The following FHIT variants were observed in gnomAD, a reference collection of about 807,000 sequenced individuals.
FHIT encodes the protein bis(5'-adenosyl)-triphosphatase.
A neutral mutation model predicts 17.9 loss-of-function variants in FHIT; 19 were observed. That is an observed-to-expected ratio of 1.06 (90% CI 0.74 to 1.56). The LOEUF (loss-of-function observed/expected upper bound fraction) is 1.56. FHIT is among the 40% of genes most tolerant of loss of function. The pLI is 0.00. For synonymous variants in FHIT, 81 were observed against 69.7 expected (o/e 1.16, Z -0.81); for missense variants, 248 against 189.2 (o/e 1.31, Z -1.82).
intron 8 of FHIT, among the ~76,000 whole-genome samples, chr3:59,915,473 G>T (rs918729780): frequency 6.6e-6 from 1 of 152,154 alleles, no homozygotes; most frequent in African/African-American, 2.4e-5. Flanking sequence ...GGCATCCTTT[G>T]CCTTGAAGCT....
chr3:60,949,226 A>T (rs561025604), intron 3 of FHIT, among the ~76,000 whole-genome samples: 1 of 152,154 alleles, frequency 6.6e-6, no homozygotes, highest in East Asian at 1.9e-4. Context: ...TACCACACCA[A>T]TGGTGGCAGG....
At chr3:60,176,167 C>A (rs1235393353) in intron 5 of FHIT, among the ~76,000 whole-genome samples, 1 of 152,132 alleles carries the variant, frequency 6.6e-6, no homozygotes, top group Non-Finnish European at 1.5e-5. Context: ...GCCTGGCCAA[C>A]ATGGCGAAAC....
At chr3:60,204,458 G>GTT (rs367700440) in intron 5 of FHIT, among the ~76,000 whole-genome samples, 92 of 128,314 alleles carry the variant, frequency 7.2e-4, no homozygotes, top group East Asian at 5.1e-3. Context: ...TTTTTTTTTT[G>GTT]TTTTGTTTTT....
chr3:60,006,684 A>C (rs2106654410), intron 7 of FHIT, among the ~76,000 whole-genome samples: 1 of 152,058 alleles, frequency 6.6e-6, no homozygotes, highest in East Asian at 1.9e-4. Flanking sequence ...ATTGATGTTC[A>C]GAGAGGCTAA....
intron 3 of FHIT, among the ~76,000 whole-genome samples, chr3:61,023,752 G>A (rs560353180): frequency 2.0e-5 from 3 of 152,164 alleles, no homozygotes; most frequent in Non-Finnish European, 4.4e-5. Flanking sequence ...ATGGGGAAAG[G>A]AGTCCCTATT....
chr3:60,559,404 C>A (rs910925052), intron 4 of FHIT, among the ~76,000 whole-genome samples: 1 of 152,338 alleles, frequency 6.6e-6, no homozygotes, highest in East Asian at 1.9e-4. Flanking sequence ...GTGGCACGCA[C>A]TCTCAGTTAC....
intron 2 of FHIT, among the ~76,000 whole-genome samples, chr3:61,042,773 G>A (rs991866069): frequency 4.6e-5 from 7 of 151,758 alleles, no homozygotes; most frequent in African/African-American, 1.7e-4. Flanking sequence ...TCAGGAGGCA[G>A]AGGTTGCAGT....
chr3:60,052,271 C>T (rs560854961), intron 5 of FHIT, among the ~76,000 whole-genome samples: 4 of 152,184 alleles, frequency 2.6e-5, no homozygotes, highest in African/African-American at 7.2e-5. Flanking sequence ...AGCAATAGAA[C>T]GAGTGGCATC....
At chr3:60,119,574 G>C (rs1008827524) in intron 5 of FHIT, among the ~76,000 whole-genome samples, 1 of 152,102 alleles carries the variant, frequency 6.6e-6, no homozygotes, top group African/African-American at 2.4e-5. Flanking sequence ...TTGAAACAAG[G>C]TTTTCTATGA....
chr3:59,814,561 C>T (rs1449254468), intron 8 of FHIT, among the ~76,000 whole-genome samples: 1 of 152,192 alleles, frequency 6.6e-6, no homozygotes, highest in Non-Finnish European at 1.5e-5. Flanking sequence ...CATCAAATGT[C>T]GAAATTTGAG....
intron 5 of FHIT, among the ~76,000 whole-genome samples, chr3:60,364,405 A>G (rs1447439662): frequency 6.6e-6 from 1 of 152,234 alleles, no homozygotes; most frequent in East Asian, 1.9e-4. Context: ...CATACTCTGT[A>G]AGCACCTACA....
intron 5 of FHIT, among the ~76,000 whole-genome samples, chr3:60,081,914 T>TC (rs1466432421): frequency 1.3e-5 from 2 of 151,972 alleles, no homozygotes; most frequent in African/African-American, 4.8e-5. Context: ...TAAGTGATTT[T>TC]TTTTTTTGTT....
At chr3:59,937,970 T>A (rs2107256136) in intron 7 of FHIT, among the ~76,000 whole-genome samples, 1 of 152,256 alleles carries the variant, frequency 6.6e-6, no homozygotes, top group East Asian at 1.9e-4. Flanking sequence ...GACATCCTCT[T>A]CCAGCATGGG....
intron 5 of FHIT, among the ~76,000 whole-genome samples, chr3:60,418,143 G>C (rs376818849): frequency 1.3e-5 from 2 of 151,688 alleles, no homozygotes; most frequent in East Asian, 1.9e-4. Context: ...TTGTGATCTC[G>C]GCTAAAAGAC....
At chr3:60,852,119 G>T (rs1466692171) in intron 3 of FHIT, among the ~76,000 whole-genome samples, 6 of 152,060 alleles carry the variant, frequency 3.9e-5, no homozygotes, top group African/African-American at 1.4e-4. Flanking sequence ...TCAGCTGAAG[G>T]CTTGATTAGG....
intron 5 of FHIT, among the ~76,000 whole-genome samples, chr3:60,237,888 T>G (rs1704890973): frequency 6.6e-6 from 1 of 151,862 alleles, no homozygotes; most frequent in Non-Finnish European, 1.5e-5. Context: ...ATAATCCCAG[T>G]ACTTTGGGAG....
chr3:60,052,242 T>C (rs955583731), intron 5 of FHIT, among the ~76,000 whole-genome samples: 4 of 152,164 alleles, frequency 2.6e-5, no homozygotes, highest in African/African-American at 4.8e-5. Context: ...ACAGCATTAA[T>C]TCTAGCAGGA....
intron 2 of FHIT, among the ~76,000 whole-genome samples, chr3:61,137,044 G>A (rs1451221892): frequency 6.6e-6 from 1 of 152,116 alleles, no homozygotes; most frequent in Non-Finnish European, 1.5e-5. Flanking sequence ...TGTAATTTCA[G>A]AATCTAGAGA....
chr3:60,048,153 T>C (rs1701726633), intron 5 of FHIT, among the ~76,000 whole-genome samples: 1 of 152,074 alleles, frequency 6.6e-6, no homozygotes, highest in African/African-American at 2.4e-5. Flanking sequence ...CCCACCGTAA[T>C]GGTTTCATTT....
Sources: gnomAD v4.1 joint callset for allele counts (sites outside exome capture counted in the v4.1 genomes callset) on GRCh38, gnomAD v4.1.1 for gene constraint, MANE v1.5 for transcripts, NCBI Gene and HGNC (gene_info 2026-07-23, HGNC 2026-07-21) for gene names.